The following CHRM5 variants were observed in gnomAD, a reference collection of about 807,000 sequenced individuals.
CHRM5 encodes cholinergic receptor muscarinic 5.
In CHRM5, 18 loss-of-function variants were observed where a neutral mutation model predicts 39.0. The observed-to-expected ratio is 0.46, with a 90% CI of 0.32 to 0.68. CHRM5 has a LOEUF of 0.68. Ranked by LOEUF, CHRM5 falls within the 30% of genes least tolerant of loss-of-function variation. The pLI, the probability that CHRM5 is intolerant of heterozygous loss-of-function variation, is 0.04. For synonymous variants in CHRM5, 241 were observed against 246.3 expected (o/e 0.98, Z 0.20); for missense variants, 515 against 651.1 (o/e 0.79, Z 2.28).
rs576237090 is a variant in CHRM5, at chr15:34,051,955, G to GA, written c.-76+5090dup. On this transcript the variant is annotated intron_variant, in intron 2 of 2. Transcript: ENST00000383263. ...GGTACCACTCCTACTGAAACTATCT[G>GA]AAAAAATTGAAAAGGAGGGACTCCT... Among the ~76,000 whole-genome samples, 143 of 152,052 alleles carry GA rather than the reference G, an allele frequency of 9.4e-4. No homozygotes were observed. The East Asian group carries it at 0.014, about 15-fold the overall frequency.
chr15:34,011,564 A>G (rs940189267), intron 1 of CHRM5, among the ~76,000 whole-genome samples: 15 of 152,220 alleles, frequency 9.9e-5, no homozygotes, highest in African/African-American at 3.6e-4. Flanking sequence ...TTCTCTAGCA[A>G]AAGAAGTATA....
At chr15:33,981,633 C>A (rs1188915587) in intron 1 of CHRM5, among the ~76,000 whole-genome samples, 1 of 152,162 alleles carries the variant, frequency 6.6e-6, no homozygotes, top group Admixed American at 6.5e-5. Context: ...AAAGAATAGT[C>A]ATGGGTTTTG....
intron 1 of CHRM5, among the ~76,000 whole-genome samples, chr15:34,042,648 C>T (rs1361141566): frequency 1.3e-5 from 2 of 151,934 alleles, no homozygotes; most frequent in Non-Finnish European, 2.9e-5. Context: ...GGTGATCCAT[C>T]CGCCTCAGCC....
At chr15:33,976,356 T>C (rs1895886523) in intron 1 of CHRM5, among the ~76,000 whole-genome samples, 1 of 152,246 alleles carries the variant, frequency 6.6e-6, no homozygotes, top group Non-Finnish European at 1.5e-5. Flanking sequence ...GTGAGTAATG[T>C]CGCTTTTTTC....
At chr15:34,004,987 C>T (rs1897283637) in intron 1 of CHRM5, among the ~76,000 whole-genome samples, 1 of 151,812 alleles carries the variant, frequency 6.6e-6, no homozygotes, top group Non-Finnish European at 1.5e-5. Flanking sequence ...AAATAATGAG[C>T]TTTTATTAAC....
At chr15:34,005,150 T>C (rs979456995) in intron 1 of CHRM5, among the ~76,000 whole-genome samples, 2 of 152,182 alleles carry the variant, frequency 1.3e-5, no homozygotes, top group Non-Finnish European at 2.9e-5. Flanking sequence ...TATTTATATA[T>C]ACTTCTTTTT....
intron 1 of CHRM5, among the ~76,000 whole-genome samples, chr15:33,989,240 T>A (rs1186670714): frequency 6.6e-6 from 1 of 152,140 alleles, no homozygotes; most frequent in East Asian, 1.9e-4. Flanking sequence ...GCTTGGATAT[T>A]TTCATGACAG....
intron 1 of CHRM5, among the ~76,000 whole-genome samples, chr15:33,988,859 C>T (rs1896596822): frequency 1.3e-5 from 2 of 152,200 alleles, no homozygotes; most frequent in African/African-American, 4.8e-5. Context: ...GAAAGATTTT[C>T]AGTAAAGGTG....
intron 1 of CHRM5, among the ~76,000 whole-genome samples, chr15:33,970,971 A>G (rs542322264): frequency 6.6e-6 from 1 of 152,024 alleles, no homozygotes; most frequent in Non-Finnish European, 1.5e-5. Context: ...GCTTTGCTCT[A>G]TAATAACCCA....
chr15:33,996,797 G>A (rs1252637842), intron 1 of CHRM5, among the ~76,000 whole-genome samples: 1 of 152,190 alleles, frequency 6.6e-6, no homozygotes, highest in Non-Finnish European at 1.5e-5. Context: ...AGCGCCTCTT[G>A]TCCTCCAAAG....
At chr15:34,044,827 G>T (rs1899627277) in intron 1 of CHRM5, among the ~76,000 whole-genome samples, 1 of 152,218 alleles carries the variant, frequency 6.6e-6, no homozygotes, top group South Asian at 2.1e-4. Flanking sequence ...GAGGCGGGAG[G>T]ATCATGAGGT....
chr15:33,992,553 T>C (rs1397185369), intron 1 of CHRM5, among the ~76,000 whole-genome samples: 1 of 152,234 alleles, frequency 6.6e-6, no homozygotes, highest in African/African-American at 2.4e-5. Context: ...AATTTATAGT[T>C]CTGTTTGTGT....
chr15:33,994,166 T>A (rs1422985546), intron 1 of CHRM5, among the ~76,000 whole-genome samples: 1 of 152,184 alleles, frequency 6.6e-6, no homozygotes, highest in African/African-American at 2.4e-5. Context: ...TTCTTCTCTA[T>A]TTACAGCCAC....
At chr15:33,999,093 A>G (rs1897046187) in intron 1 of CHRM5, among the ~76,000 whole-genome samples, 1 of 152,208 alleles carries the variant, frequency 6.6e-6, no homozygotes, top group Admixed American at 6.5e-5. Flanking sequence ...GTTCTACCCT[A>G]GAAGGTTGAC....
chr15:33,981,814 G>T lies in CHRM5; in HGVS notation c.-408+12664G>T, dbSNP rs188523763. On this transcript the variant is annotated intron_variant, in intron 1 of 2. Transcript: ENST00000383263. Reference sequence around the variant, plus strand: ...ATGTATACAAAATACCAAATATCTAGCCAGGTACTCTATAAACAAGTTTTG... The same window carrying T: ...ATGTATACAAAATACCAAATATCTATCCAGGTACTCTATAAACAAGTTTTG... Among the ~76,000 whole-genome samples the T allele has an allele frequency of 1.2e-3, 182 of 152,044 alleles. 1 individual carries two copies. Among genetic ancestry groups the T allele is most frequent in the African/African-American group, 4.2e-3 (173 of 41,466 alleles).
intron 1 of CHRM5, among the ~76,000 whole-genome samples, chr15:33,992,466 G>A (rs1040947968): frequency 6.6e-6 from 1 of 152,106 alleles, no homozygotes; most frequent in Non-Finnish European, 1.5e-5. Context: ...TTTTGTTATC[G>A]GAGTTTTCCT....
At chr15:34,014,345 CA>C (rs745966029) in intron 1 of CHRM5, among the ~76,000 whole-genome samples, 67 of 107,700 alleles carry the variant, frequency 6.2e-4, no homozygotes, top group Non-Finnish European at 1.0e-3. Flanking sequence ...GCTTAAGCAA[CA>C]AGAGCGAAAC....
At chr15:34,030,520 GTAT>G (rs1898735155) in intron 1 of CHRM5, among the ~76,000 whole-genome samples, 1 of 151,936 alleles carries the variant, frequency 6.6e-6, no homozygotes, top group Non-Finnish European at 1.5e-5. Context: ...TAATTTTTTT[GTAT>G]TTTTAGTAGA....
At chr15:34,013,627 A>C (rs1897732922) in intron 1 of CHRM5, among the ~76,000 whole-genome samples, 1 of 152,252 alleles carries the variant, frequency 6.6e-6, no homozygotes, top group East Asian at 1.9e-4. Context: ...CCAGGCCTCA[A>C]GAACTCACAG....
Sources: allele counts gnomAD v4.1 joint callset (sites outside exome capture counted in the v4.1 genomes callset), GRCh38; gene constraint gnomAD v4.1.1; transcripts MANE v1.5; gene names NCBI Gene and HGNC (gene_info 2026-07-23, HGNC 2026-07-21).